GAL3ST2: variants seen among roughly 807,000 people sequenced by gnomAD.
GAL3ST2 encodes galactose-3-O-sulfotransferase 2.
Under a neutral mutation model 12.9 loss-of-function variants are expected in GAL3ST2, and 16 were observed. That is an observed-to-expected ratio of 1.24 (90% confidence interval 0.84 to 1.88). The LOEUF (loss-of-function observed/expected upper bound fraction) is 1.88. Ranked by LOEUF, GAL3ST2 falls within the 40% of genes most tolerant of loss-of-function variation. The pLI is 0.00. For synonymous variants in GAL3ST2, 302 were observed against 273.9 expected (o/e 1.10, Z -1.01); for missense variants, 639 against 571.8 (o/e 1.12, Z -1.20).
rs775468247 is a variant in GAL3ST2, at chr2:241,799,047, G to A, written c.30-18G>A. ...GGCACGACCCGGACTGGGCACTCAT[G>A]GCCTGCCCTTTCCACAGATACTTCC... On this transcript the variant is annotated intron_variant, in intron 1 of 3. Transcript: ENST00000192314. The A allele has an allele frequency of 6.2e-7, 1 of 1,602,210 alleles. No individual in the cohort carries two copies. The highest frequency in any genetic ancestry group is 1.1e-5 in the South Asian group (1 of 90,846).
chr2:241,798,956 G>A (rs1699809006), intron 1 of GAL3ST2, 109 bp from the exon 2 acceptor site: 1 of 835,890 alleles, frequency 1.2e-6, no homozygotes, highest in African/African-American at 1.7e-5. Context: ...AGAGGTGAGG[G>A]GAGGCCCAGA....
chr2:241,794,874 C>A (rs79819083), intron 1 of GAL3ST2, among the ~76,000 whole-genome samples: 1 of 152,180 alleles, frequency 6.6e-6, no homozygotes, highest in African/African-American at 2.4e-5. Flanking sequence ...CAATCGTCAG[C>A]TTTCAAGGTT....
At chr2:241,779,121 A>T (rs1022422864) in intron 1 of GAL3ST2, among the ~76,000 whole-genome samples, 1 of 151,752 alleles carries the variant, frequency 6.6e-6, no homozygotes, top group African/African-American at 2.4e-5. Context: ...ATTTTAGAAG[A>T]AAATGAGTCT....
rs758122606 is a variant in GAL3ST2 at position 241,803,984 on chromosome 2, C to T, written c.1015C>T (p.Leu339=). ...CCACACGCAGATCAGAGACCCGCGC[C>T]TGCGCCCCTACCAGTCCGGCAAGGC... ...KNHTQIRDPR[L]RPYQSGKADI... The change falls in exon 4 of 4, where the codon CTG becomes TTG. Residue 339 remains leucine, a synonymous_variant. Transcript: ENST00000192314. 1.0e-5 allele frequency: 16 copies of T among 1,550,496 alleles called. No individual in the cohort carries two copies. The highest frequency in any genetic ancestry group is 4.8e-5 in the South Asian group (4 of 82,502).
intron 1 of GAL3ST2, among the ~76,000 whole-genome samples, chr2:241,794,740 C>T (rs757801946): frequency 1.3e-4 from 20 of 152,190 alleles, no homozygotes; most frequent in Non-Finnish European, 2.8e-4. Context: ...TTGTGAGTCC[C>T]ATAAGGCAGC....
In GAL3ST2 at chr2:241,801,685, G is replaced by A. The variant is rs1699848472; in HGVS notation, c.120-96G>A. 2 of 1,484,848 alleles carry A rather than the reference G, an allele frequency of 1.3e-6. No homozygotes were observed. Among genetic ancestry groups the A allele is most frequent in the Non-Finnish European group, 1.8e-6 (2 of 1,111,036 alleles). The allele number at this position is 1,484,848 out of a possible 1,614,324, so 92.0% of individuals were successfully genotyped here. A position where few individuals can be genotyped will look rare whatever the true frequency, so the allele number is the denominator to read the frequency against. On this transcript the variant is annotated intron_variant, in intron 2 of 3. Coordinates refer to ENST00000192314, the MANE Select transcript of GAL3ST2 (RefSeq NM_022134.3). This position sits in a 1 kb window ranked among gnomAD's most constrained non-coding sequence, Gnocchi z 4.4. ...TAGAGTTGGGGGGCTCAGGTTGGGA[G>A]GTCTCTCCTTGCGGTTGCCGGGCTG...
rs565181489 is a variant in GAL3ST2, at chr2:241,793,573, GTATA to G, written c.30-5490_30-5487del. On this transcript the variant is annotated intron_variant, in intron 1 of 3. Coordinates refer to ENST00000192314, the MANE Select transcript of GAL3ST2 (RefSeq NM_022134.3). This position sits in a 1 kb window ranked among gnomAD's most constrained non-coding sequence, Gnocchi z 4.7. The stretch of plus-strand genomic sequence containing the variant: ...TATGTATGTATGTGTATATGTGTGC[GTATA>G]TGTGTATGTATGTATATGTGTATAT... 2.0e-5 allele frequency among the ~76,000 whole-genome samples: 3 copies of G among 147,952 alleles called. No homozygotes were observed. Among genetic ancestry groups the G allele is most frequent in the African/African-American group, 7.7e-5 (3 of 38,982 alleles).
intron 1 of GAL3ST2, among the ~76,000 whole-genome samples, chr2:241,780,552 C>A (rs545352571): frequency 6.6e-6 from 1 of 152,128 alleles, no homozygotes; most frequent in Non-Finnish European, 1.5e-5. Context: ...GAAACATAAT[C>A]TTTTCTCTCT....
intron 1 of GAL3ST2, among the ~76,000 whole-genome samples, chr2:241,785,717 A>C (rs2125190740): frequency 6.6e-6 from 1 of 152,264 alleles, no homozygotes. Flanking sequence ...AAGATAAAGG[A>C]GAGACAGCAG....
At chr2:241,783,853 T>C (rs1699596629) in intron 1 of GAL3ST2, among the ~76,000 whole-genome samples, 1 of 152,178 alleles carries the variant, frequency 6.6e-6, no homozygotes, top group African/African-American at 2.4e-5. Context: ...TGAACTAACT[T>C]TGGGAGGAAC....
In GAL3ST2 at chr2:241,793,633, T is replaced by G. The variant is rs111209981; in HGVS notation, c.30-5432T>G. On this transcript the variant is annotated intron_variant, in intron 1 of 3. Transcript: ENST00000192314. The surrounding 1 kb of genome is among the most constrained non-coding windows in gnomAD (Gnocchi z 4.7). ...TGTATTGTGTGTGTACATATTGTGT[T>G]TGTGTGTACATATTGTGTATGCATA... 6.7e-6 allele frequency among the ~76,000 whole-genome samples: 1 copy of G among 149,992 alleles called. No homozygotes were observed. Among genetic ancestry groups the G allele is most frequent in the East Asian group, 1.9e-4 (1 of 5,146 alleles).
Position 241,795,293 on chromosome 2 carries a change from G to A in GAL3ST2, c.30-3772G>A, listed in dbSNP as rs1292026044. On this transcript the variant is annotated intron_variant, in intron 1 of 3. Transcript: ENST00000192314. This position sits in a 1 kb window ranked among gnomAD's most constrained non-coding sequence, Gnocchi z 4.5. ...AAAGGGAAGAGCCCGCCTTGAGAAG[G>A]CTGTAGCATTTCTCTGGAAACGTCA... Among the ~76,000 whole-genome samples the A allele has an allele frequency of 6.6e-6, 1 of 152,212 alleles. No individual in the cohort carries two copies. Among genetic ancestry groups the A allele is most frequent in the African/African-American group, 2.4e-5 (1 of 41,462 alleles).
In GAL3ST2 at chr2:241,800,488, GTTAC is replaced by G. The variant is rs1699829535; in HGVS notation, c.120-1286_120-1283del. Among the ~76,000 whole-genome samples, 2 of 152,212 alleles carry G rather than the reference GTTAC, an allele frequency of 1.3e-5. No individual in the cohort carries two copies. Among genetic ancestry groups the G allele is most frequent in the Admixed American group, 6.5e-5 (1 of 15,276 alleles). On this transcript the variant is annotated intron_variant, in intron 2 of 3. Transcript: ENST00000192314. This position sits in a 1 kb window ranked among gnomAD's most constrained non-coding sequence, Gnocchi z 5.2. ...GCACGTGTCCTGAACAAACAGGTGT[GTTAC>G]TTACTTGTGACCCACGTTCACCTTG... is the stretch of plus-strand genomic sequence containing the variant.
At position 241,802,134 on chromosome 2, in the gene GAL3ST2, G is replaced by A; in HGVS notation, c.375+98G>A. 7.0e-7 allele frequency: 1 copy of A among 1,425,560 alleles called. No individual in the cohort carries two copies. Among genetic ancestry groups the A allele is most frequent in the Non-Finnish European group, 9.4e-7 (1 of 1,064,126 alleles). 88.3% of individuals were successfully genotyped at this position (1,425,560 alleles called of 1,614,324 possible). Reference sequence around the variant, plus strand: ...TGGAGGCTGGAGAGAAGGAGTGTAAGGCTTGGGGGCGGGGCGTGCAGAAGG... The same window carrying A: ...TGGAGGCTGGAGAGAAGGAGTGTAAAGCTTGGGGGCGGGGCGTGCAGAAGG... On this transcript the variant is annotated intron_variant, in intron 3 of 3. Transcript: ENST00000192314. The surrounding 1 kb of genome is among the most constrained non-coding windows in gnomAD (Gnocchi z 4.8).
At chr2:241,788,767 G>A (rs80182107) in intron 1 of GAL3ST2, among the ~76,000 whole-genome samples, 3,170 of 152,180 alleles carry the variant, frequency 0.021, 181 homozygotes, top group East Asian at 0.11. Flanking sequence ...ATCACCCAGC[G>A]TTTTGAGCCC....
At chr2:241,784,165 C>T (rs1241874702) in intron 1 of GAL3ST2, among the ~76,000 whole-genome samples, 2 of 151,982 alleles carry the variant, frequency 1.3e-5, no homozygotes, top group African/African-American at 4.8e-5. Context: ...TCCCGAGTAG[C>T]TGGGACTACA....
intron 1 of GAL3ST2, among the ~76,000 whole-genome samples, chr2:241,777,561 C>T (rs541216046): frequency 6.6e-6 from 1 of 152,270 alleles, no homozygotes; most frequent in African/African-American, 2.4e-5. Context: ...TTCTCCTGCT[C>T]GCCATCCTGT....
intron 1 of GAL3ST2, among the ~76,000 whole-genome samples, chr2:241,792,230 A>G (rs183306104): frequency 1.3e-5 from 2 of 151,808 alleles, no homozygotes; most frequent in East Asian, 1.9e-4. Context: ...GGGTTTCACT[A>G]TGTTGGTCAG....
chr2:241,790,544 G>A (rs914362297), intron 1 of GAL3ST2, among the ~76,000 whole-genome samples: 7 of 152,090 alleles, frequency 4.6e-5, no homozygotes, highest in Admixed American at 6.6e-5. Flanking sequence ...CTGGGGAGTC[G>A]TGTCCTACAA....
Sources: gnomAD v4.1 joint callset for allele counts (sites outside exome capture counted in the v4.1 genomes callset) on GRCh38, gnomAD v4.1.1 for gene constraint, Gnocchi (gnomAD v3.1) non-coding constraint, MANE v1.5 for transcripts, NCBI Gene and HGNC (gene_info 2026-07-23, HGNC 2026-07-21) for gene names.